Variants in PACRGL observed in about 807,000 individuals in gnomAD.
PACRGL encodes PACRG-like protein.
PACRGL carries 38 observed loss-of-function variants against 34.5 expected under a neutral mutation model. The observed-to-expected ratio is 1.10, with a 90% CI of 0.85 to 1.44. PACRGL has a LOEUF of 1.44. PACRGL is among the 40% of genes most tolerant of loss of function. PACRGL has a pLI of 0.00. For synonymous variants in PACRGL, 128 were observed against 100.1 expected, an observed-to-expected ratio of 1.28 and a Z score of -1.66; for missense variants, 305 against 281.4, an observed-to-expected ratio of 1.08 and a Z score of -0.60.
intron 8 of PACRGL, among the ~76,000 whole-genome samples, chr4:20,744,157 T>A (rs1457964405): frequency 1.5e-5 from 2 of 134,352 alleles, no homozygotes; most frequent in African/African-American, 5.9e-5. Flanking sequence ...ACTTTTGCAC[T>A]GTTGGTGGGA....
rs373074413 is a variant in PACRGL, at chr4:20,713,439, C to T, written c.509C>T (p.Ser170Leu). The T allele has an allele frequency of 9.3e-6, 15 of 1,613,154 alleles. No individual in the cohort carries two copies. Among genetic ancestry groups the T allele is most frequent in the East Asian group, 6.7e-5 (3 of 44,844 alleles). Residue 170 changes from serine to leucine, a missense_variant, in exon 7 of 9, where the codon TCG (serine) becomes TTG (leucine). By Grantham distance (145) the Ser-to-Leu change is moderately radical. Transcript: ENST00000503585. Reference protein sequence around the residue: ...IPVLKAALVHSDDEVFERGLN... With the variant: ...IPVLKAALVHLDDEVFERGLN... ...AACTAACCAACCTTACAGGTCCATT[C>T]GGATGATGAAGTGTTTGAAAGAGGA...
downstream of PACRGL, among the ~76,000 whole-genome samples, chr4:20,733,195 A>G (rs901150232): frequency 2.0e-5 from 3 of 152,162 alleles, no homozygotes; most frequent in East Asian, 3.9e-4. Context: ...TTGAGAAAAA[A>G]CACCATTTAG....
chr4:20,749,055 G>T (rs1209581198), intron 8 of PACRGL, among the ~76,000 whole-genome samples: 2 of 151,764 alleles, frequency 1.3e-5, no homozygotes, highest in Non-Finnish European at 2.9e-5. Context: ...CTACTCAGGA[G>T]GCTGAGACAG....
downstream of PACRGL, among the ~76,000 whole-genome samples, chr4:20,753,653 T>C (rs558921269): frequency 2.0e-5 from 3 of 152,332 alleles, no homozygotes; most frequent in East Asian, 5.8e-4. Flanking sequence ...AATATACAAT[T>C]CATGACATCG....
the PACRGL span, chr4:20,758,717 A>G: frequency 3.5e-6 from 3 of 868,128 alleles, no homozygotes; most frequent in Non-Finnish European, 3.8e-6. Context: ...ATTCTTTTAC[A>G]TAACGATTAA....
chr4:20,765,586 A>G, the PACRGL span, among the ~76,000 whole-genome samples: 2 of 152,210 alleles, frequency 1.3e-5, no homozygotes, highest in African/African-American at 4.8e-5. Context: ...ATGGCTAGAT[A>G]GTAATGGGCT....
In PACRGL at chr4:20,737,707, A is replaced by G. The variant is rs1749985563; in HGVS notation, c.*56+10310A>G. On this transcript the variant is annotated intron_variant, in intron 8 of 8. Transcript: ENST00000507634. The stretch of plus-strand genomic sequence containing the variant: ...AGCTCTGATACTAAGCAGTAAGATG[A>G]CATGCAAATTAGAGAAAGGGAGACC... 1.3e-5 allele frequency among the ~76,000 whole-genome samples: 2 copies of G among 152,230 alleles called. 1 individual carries two copies. The highest frequency in any genetic ancestry group is 4.1e-4 in the South Asian group (2 of 4,830).
At chr4:20,767,314 A>T in the PACRGL span, 3 of 152,316 alleles carry the variant, frequency 2.0e-5, no homozygotes, top group East Asian at 3.9e-4. Context: ...TTGTAATTGT[A>T]AATGATAGCA....
intron 7 of PACRGL, chr4:20,716,267 A>C: frequency 1.5e-6 from 1 of 664,088 alleles, no homozygotes; most frequent in East Asian, 2.8e-5. Context: ...CACATAGGGC[A>C]GGGTCCATGA....
Position 20,738,075 on chromosome 4 carries a change from A to G in PACRGL, c.*56+10678A>G, listed in dbSNP as rs117908998. Reference sequence around the variant, plus strand: ...AGCCCAGAAGGTCGAGGCTACAGTGAACTATGATTGCACCACTGTGCTTCA... The same window carrying G: ...AGCCCAGAAGGTCGAGGCTACAGTGGACTATGATTGCACCACTGTGCTTCA... On this transcript the variant is annotated intron_variant, in intron 8 of 8. Coordinates refer to the PACRGL transcript ENST00000507634. Among the ~76,000 whole-genome samples the G allele has an allele frequency of 2.3e-3, 350 of 152,164 alleles. 7 individuals carry two copies. The South Asian group carries it at 0.046, about 20-fold the overall frequency.
chr4:20,722,261 C>A (rs1287444896), intron 7 of PACRGL, among the ~76,000 whole-genome samples: 1 of 152,216 alleles, frequency 6.6e-6, no homozygotes, highest in Non-Finnish European at 1.5e-5. Flanking sequence ...TTCCCTGATC[C>A]CTTGCGCTTC....
chr4:20,727,362 T>A lies in PACRGL; in HGVS notation c.*21T>A, dbSNP rs747224102. 3 of 1,594,302 alleles carry A rather than the reference T, an allele frequency of 1.9e-6. No individual in the cohort carries two copies. Among genetic ancestry groups the A allele is most frequent in the Admixed American group, 1.7e-5 (1 of 59,854 alleles). On this transcript the variant is annotated 3_prime_UTR_variant, in exon 9 of 9. Transcript: ENST00000503585. ...GTTGAAGAAGGGAGCCAACAAAAAT[T>A]GTTTTTTCTACCTGTTGACGTGTCA...
chr4:20,755,614 T>C (rs1754342624), downstream of PACRGL, among the ~76,000 whole-genome samples: 3 of 152,086 alleles, frequency 2.0e-5, no homozygotes, highest in South Asian at 2.1e-4. Flanking sequence ...AAGTGAAATA[T>C]ATATTATTGG....
intron 8 of PACRGL, among the ~76,000 whole-genome samples, chr4:20,726,301 CATCTTACTAGCTTTGAATGTTGCTA>C (rs1400721096): frequency 6.6e-6 from 1 of 152,118 alleles, no homozygotes; most frequent in Non-Finnish European, 1.5e-5. Flanking sequence ...TTTACTACTC[CATCTTACTAGCTTTGAATGTTGCTA>C]ATACAGAATT....
chr4:20,747,130 G>A (rs955986024), intron 8 of PACRGL, among the ~76,000 whole-genome samples: 1 of 152,056 alleles, frequency 6.6e-6, no homozygotes, highest in African/African-American at 2.4e-5. Flanking sequence ...AACGTTCATT[G>A]CAATTACTGG....
At chr4:20,724,755 G>T in intron 7 of PACRGL, 53 bp from the exon 8 acceptor site, 1 of 1,038,832 alleles carries the variant, frequency 9.6e-7, no homozygotes, top group South Asian at 2.1e-5. Context: ...TGCGTATGGT[G>T]AGCATTGTTA....
At chr4:20,711,754 A>G (rs771440206) in intron 5 of PACRGL, among the ~76,000 whole-genome samples, 2 of 152,188 alleles carry the variant, frequency 1.3e-5, no homozygotes, top group Non-Finnish European at 2.9e-5. Context: ...AAATCATAAA[A>G]GAGTACTAGC....
intron 6 of PACRGL, 29 bp downstream of exon 6, chr4:20,712,951 ATT>A: frequency 1.4e-6 from 2 of 1,469,408 alleles, no homozygotes; most frequent in Non-Finnish European, 1.8e-6. Context: ...TGTACTTTAT[ATT>A]TGAAAACATG....
chr4:20,752,747 G>C (rs552671933), exon 9 of PACRGL: 1 of 152,340 alleles, frequency 6.6e-6, no homozygotes, highest in African/African-American at 2.4e-5. Flanking sequence ...GGCTTTGACT[G>C]GGTGAGAGAA....
Sources: allele counts gnomAD v4.1 joint callset (sites outside exome capture counted in the v4.1 genomes callset), GRCh38; gene constraint gnomAD v4.1.1; transcripts MANE v1.5; gene names NCBI Gene and HGNC (gene_info 2026-07-23, HGNC 2026-07-21).